The following SLC23A2 variants were observed in gnomAD, a reference collection of about 807,000 sequenced individuals.
SLC23A2 encodes Na(+)/L-ascorbic acid transporter 2.
In SLC23A2, 36 loss-of-function variants were observed where a neutral mutation model predicts 73.3. That is an observed-to-expected ratio of 0.49 (90% CI 0.38 to 0.65). The LOEUF is 0.65. Ranked by LOEUF, SLC23A2 falls within the 30% of genes least tolerant of loss-of-function variation. SLC23A2 has a pLI of 0.00. For synonymous variants in SLC23A2, 343 were observed against 327.3 expected, an observed-to-expected ratio of 1.05 and a Z score of -0.52; for missense variants, 507 against 841.6, an observed-to-expected ratio of 0.60 and a Z score of 4.92.
chr20:4,902,599 G>C lies in SLC23A2; in HGVS notation c.208-41C>G. 1 of 1,173,490 alleles carries C rather than the reference G, an allele frequency of 8.5e-7. No individual in the cohort carries two copies. Among genetic ancestry groups the C allele is most frequent in the Non-Finnish European group, 1.3e-6 (1 of 794,146 alleles). 72.7% of individuals were successfully genotyped at this position (1,173,490 alleles called of 1,614,324 possible). A position where few individuals can be genotyped will look rare whatever the true frequency, so the allele number is the denominator to read the frequency against. On this transcript the variant is annotated intron_variant, in intron 4 of 16. Coordinates refer to ENST00000338244, the MANE Select transcript of SLC23A2 (RefSeq NM_005116.6). This position sits in a 1 kb window ranked among gnomAD's most constrained non-coding sequence, Gnocchi z 4.0. ...AGAAAAGAAGGTGCTCATTAAACGT[G>C]AAGACCAGTGTTAGCTCGGCCATGT...
At chr20:4,895,287 C>A (rs1931478188) in intron 6 of SLC23A2, among the ~76,000 whole-genome samples, 1 of 152,220 alleles carries the variant, frequency 6.6e-6, no homozygotes, top group African/African-American at 2.4e-5. Flanking sequence ...TCCGGCAGTG[C>A]TGCTGGGAGT....
intron 1 of SLC23A2, among the ~76,000 whole-genome samples, chr20:4,980,600 C>T (rs12626128): frequency 0.017 from 2,625 of 151,400 alleles, 66 homozygotes; most frequent in African/African-American, 0.054. Context: ...GGCACAATCT[C>T]GGCTCACTGC....
rs1184708132 is a variant in SLC23A2 at position 4,899,633 on chromosome 20, C to T, written c.404G>A (p.Trp135Ter). The change falls in exon 6 of 17, where the codon TGG becomes TAG. Residue 135 changes from tryptophan to a stop codon, truncating the protein, a stop_gained. Coordinates refer to ENST00000338244, the MANE Select transcript of SLC23A2 (RefSeq NM_005116.6). LOFTEE classifies it high-confidence loss of function. The surrounding 1 kb of genome is among the most constrained non-coding windows in gnomAD (Gnocchi z 4.9). Reference sequence around the variant, plus strand: ...GGTCCCAATGAGCTGGCTGGTGGCCCACTGGTCGTACCCCACACACATGGC... The same window carrying T: ...GGTCCCAATGAGCTGGCTGGTGGCCTACTGGTCGTACCCCACACACATGGC... ...ADAMCVGYDQ[W>*]ATSQLIGTIF... 6.2e-7 allele frequency: 1 copy of T among 1,614,126 alleles called. No individual in the cohort carries two copies. Among genetic ancestry groups the T allele is most frequent in the Admixed American group, 1.7e-5 (1 of 60,022 alleles).
chr20:4,882,930 C>T (rs929528959), intron 9 of SLC23A2, among the ~76,000 whole-genome samples: 1 of 152,154 alleles, frequency 6.6e-6, no homozygotes, highest in African/African-American at 2.4e-5. Context: ...ACATAATCAA[C>T]TCTTAAACAT....
intron 13 of SLC23A2, among the ~76,000 whole-genome samples, chr20:4,866,535 C>T (rs909702553): frequency 1.3e-5 from 2 of 152,176 alleles, no homozygotes; most frequent in Non-Finnish European, 2.9e-5. Flanking sequence ...CTAGAGGAAG[C>T]GCCCCTCAGA....
intron 2 of SLC23A2, among the ~76,000 whole-genome samples, chr20:4,939,783 C>T (rs1311184853): frequency 3.6e-4 from 55 of 151,974 alleles, no homozygotes; most frequent in Non-Finnish European, 1.5e-5. Flanking sequence ...GCAAGAATAA[C>T]GTTAAATACT....
intron 9 of SLC23A2, among the ~76,000 whole-genome samples, chr20:4,877,191 A>C (rs2122812062): frequency 6.6e-6 from 1 of 152,230 alleles, no homozygotes; most frequent in East Asian, 1.9e-4. Context: ...AAATAAATAA[A>C]AATTCCCATA....
chr20:4,894,137 T>C (rs529919969), intron 6 of SLC23A2, among the ~76,000 whole-genome samples: 18 of 152,186 alleles, frequency 1.2e-4, no homozygotes, highest in African/African-American at 4.1e-4. Context: ...CCAACCAGAA[T>C]GAGAACTGTT....
At position 4,947,514 on chromosome 20, in the gene SLC23A2, A is replaced by G. The variant is rs984145085; in HGVS notation, c.-154-14798T>C. Among the ~76,000 whole-genome samples the G allele has an allele frequency of 6.6e-6, 1 of 152,242 alleles. No individual in the cohort carries two copies. Among genetic ancestry groups the G allele is most frequent in the Non-Finnish European group, 1.5e-5 (1 of 68,040 alleles). ...GGAGCCACTGAAAAGCTAATTTTAT[A>G]TGGAATTTTAACAACAAGATAAAAA... On this transcript the variant is annotated intron_variant, in intron 2 of 16. Transcript: ENST00000338244. The surrounding 1 kb of genome is among the most constrained non-coding windows in gnomAD (Gnocchi z 4.4).
intron 1 of SLC23A2, among the ~76,000 whole-genome samples, chr20:4,979,911 G>A (rs538764740): frequency 4.3e-4 from 66 of 152,086 alleles, no homozygotes; most frequent in African/African-American, 1.4e-3. Flanking sequence ...AAGTGTTCAC[G>A]TCCTTGATAT....
rs758041566 is a variant in SLC23A2 at position 4,931,068 on chromosome 20, GAAAAAAAAAAAAAA to G, written c.108+1373_108+1386del. On this transcript the variant is annotated intron_variant, in intron 3 of 16. Transcript: ENST00000338244. ...CTTAAAATAACTGTTATTTTTTTAA[GAAAAAAAAAAAAAA>G]AAAAAAAAAAGAATCCTCCAAGGCC... Among the ~76,000 whole-genome samples the G allele has an allele frequency of 5.3e-5, 4 of 75,078 alleles. 1 individual carries two copies. The highest frequency in any genetic ancestry group is 1.0e-3 in the South Asian group (2 of 2,010). 49.3% of individuals were successfully genotyped at this position (75,078 alleles called of 152,430 possible).
chr20:4,864,901 T>C (rs1930131255), intron 13 of SLC23A2, among the ~76,000 whole-genome samples: 1 of 152,220 alleles, frequency 6.6e-6, no homozygotes. Context: ...GCCCCAGGGA[T>C]ACCTGAAACT....
rs188353190 is a variant in SLC23A2 at position 5,009,862 on chromosome 20, G to A, written c.-282+320C>T. On this transcript the variant is annotated intron_variant, in intron 1 of 16. Coordinates refer to the SLC23A2 transcript ENST00000379333. ...TGTAATCCCAGCACTTTGGGAGGCC[G>A]AGGCGGGCGGATCATGAGGTCAGGA... 5.9e-5 allele frequency among the ~76,000 whole-genome samples: 9 copies of A among 151,874 alleles called. No individual in the cohort carries two copies. In the East Asian group the frequency reaches 7.7e-4, roughly 13 times the overall value.
At chr20:4,984,362 G>C (rs2087786373) in intron 1 of SLC23A2, among the ~76,000 whole-genome samples, 1 of 152,194 alleles carries the variant, frequency 6.6e-6, no homozygotes, top group Non-Finnish European at 1.5e-5. Context: ...AGACCATCCT[G>C]GCTAACACAG....
chr20:4,958,407 A>C (rs1027871144), intron 2 of SLC23A2, among the ~76,000 whole-genome samples: 1 of 152,226 alleles, frequency 6.6e-6, no homozygotes, highest in Admixed American at 6.5e-5. Context: ...GGCATCATTA[A>C]AATGGAGGTT....
At chr20:4,993,039 G>A (rs1015804213) in intron 1 of SLC23A2, among the ~76,000 whole-genome samples, 7 of 151,592 alleles carry the variant, frequency 4.6e-5, no homozygotes, top group Non-Finnish European at 1.0e-4. Context: ...AGCACTTTGG[G>A]AGGCCGAGGC....
chr20:5,003,224 A>T (rs2088150856), upstream of SLC23A2, among the ~76,000 whole-genome samples: 1 of 152,190 alleles, frequency 6.6e-6, no homozygotes, highest in African/African-American at 2.4e-5. Flanking sequence ...TCTACTAAAA[A>T]TACAAAAAAA....
At chr20:4,967,400 G>A (rs770920317) in intron 2 of SLC23A2, among the ~76,000 whole-genome samples, 2 of 152,052 alleles carry the variant, frequency 1.3e-5, no homozygotes, top group Non-Finnish European at 2.9e-5. Flanking sequence ...AGTTGAAAAG[G>A]CCAGACTTGT....
intron 3 of SLC23A2, among the ~76,000 whole-genome samples, chr20:4,930,217 T>A (rs541806436): frequency 6.6e-6 from 1 of 152,230 alleles, no homozygotes; most frequent in East Asian, 1.9e-4. Context: ...TCTCCTGGGC[T>A]GTAAGATAAA....
Sources: allele counts gnomAD v4.1 joint callset (sites outside exome capture counted in the v4.1 genomes callset), GRCh38; gene constraint gnomAD v4.1.1; non-coding constraint Gnocchi (gnomAD v3.1); transcripts MANE v1.5; gene names NCBI Gene and HGNC (gene_info 2026-07-23, HGNC 2026-07-21).